BANP: variants seen among roughly 807,000 people sequenced by gnomAD.
BANP encodes the protein protein BANP.
In BANP, 11 loss-of-function variants were observed where a neutral mutation model predicts 68.1. The ratio of observed to expected loss-of-function variants is 0.16; its 90% CI spans 0.10 to 0.27. The LOEUF (loss-of-function observed/expected upper bound fraction) is 0.27, where lower values mean the gene tolerates loss of function less well. Among genes scored for constraint, BANP ranks in the 10% least tolerant of loss-of-function variants. BANP has a pLI of 1.00. For missense variants in BANP, 504 were observed against 722.7 expected (o/e 0.70, Z 3.47); for synonymous variants, 329 against 303.2 (o/e 1.09, Z -0.88).
intron 4 of BANP, among the ~76,000 whole-genome samples, chr16:87,993,748 C>A (rs187901240): frequency 3.1e-4 from 47 of 152,284 alleles, no homozygotes; most frequent in Middle Eastern, 3.4e-3. Context: ...CAGGCCGTGC[C>A]ACCACACCCG....
chr16:88,067,362 C>T (rs1240254538), intron 12 of BANP, among the ~76,000 whole-genome samples: 1 of 152,152 alleles, frequency 6.6e-6, no homozygotes, highest in Non-Finnish European at 1.5e-5. Flanking sequence ...GCATGGTTCC[C>T]ACCTACACCA....
Position 88,061,597 on chromosome 16 carries a change from A to G in BANP, c.1312-3670A>G, listed in dbSNP as rs2086807218. Among the ~76,000 whole-genome samples the G allele has an allele frequency of 2.0e-5, 3 of 152,100 alleles. No homozygotes were observed. In the South Asian group the frequency reaches 6.2e-4, roughly 31 times the overall value. On this transcript the variant is annotated intron_variant, in intron 11 of 13. Transcript: ENST00000682872. Reference sequence around the variant, plus strand: ...CTTTCGGCATTTCTTGTAGGAACGTAGGAGAAAGATTTTAGGCCAGTTGGG... The same window carrying G: ...CTTTCGGCATTTCTTGTAGGAACGTGGGAGAAAGATTTTAGGCCAGTTGGG...
intron 11 of BANP, among the ~76,000 whole-genome samples, chr16:88,043,053 G>A (rs1163369777): frequency 1.3e-5 from 2 of 152,220 alleles, no homozygotes; most frequent in Non-Finnish European, 2.9e-5. Flanking sequence ...TCAGGTCACT[G>A]TGGGAGCTGC....
rs370961037 is a variant in BANP, at chr16:88,069,136, T to C, written c.1378-2933T>C. ...TCTCATCGTCAGGCTGGGTTCTGAA[T>C]GGCGCGCTGTCGCTGCGGGACCTCG... On this transcript the variant is annotated intron_variant, in intron 12 of 13. Transcript: ENST00000682872. Among the ~76,000 whole-genome samples the C allele has an allele frequency of 4.6e-5, 7 of 152,182 alleles. No homozygotes were observed. In the East Asian group the frequency reaches 9.7e-4, roughly 21 times the overall value.
At chr16:88,040,920 C>G (rs1013058953) in intron 11 of BANP, among the ~76,000 whole-genome samples, 1 of 152,228 alleles carries the variant, frequency 6.6e-6, no homozygotes, top group African/African-American at 2.4e-5. Context: ...TCCCTAGTTC[C>G]AACTGTCATT....
chr16:87,977,777 AC>A (rs1426463270), intron 2 of BANP, among the ~76,000 whole-genome samples: 3 of 152,166 alleles, frequency 2.0e-5, no homozygotes, highest in African/African-American at 7.2e-5. Context: ...CGCTTACTCT[AC>A]CTGTCTGAAT....
At chr16:88,032,212 G>GT (rs1360243924) in intron 8 of BANP, among the ~76,000 whole-genome samples, 1 of 150,592 alleles carries the variant, frequency 6.6e-6, no homozygotes, top group Non-Finnish European at 1.5e-5. Flanking sequence ...TCCCTCCCCT[G>GT]TACCCCCGAG....
At chr16:88,060,009 C>G (rs968256729) in intron 11 of BANP, among the ~76,000 whole-genome samples, 8 of 152,260 alleles carry the variant, frequency 5.3e-5, no homozygotes, top group African/African-American at 1.9e-4. Flanking sequence ...GTGAGACTGG[C>G]TTGGCGCAGC....
At chr16:88,038,598 C>T (rs1045465479) in intron 11 of BANP, among the ~76,000 whole-genome samples, 2 of 152,126 alleles carry the variant, frequency 1.3e-5, no homozygotes, top group African/African-American at 4.8e-5. Flanking sequence ...CCGTCAAACT[C>T]ACAAACTTGC....
chr16:88,055,751 G>A (rs1350224517), intron 11 of BANP, among the ~76,000 whole-genome samples: 6 of 152,088 alleles, frequency 3.9e-5, no homozygotes, highest in East Asian at 3.9e-4. Flanking sequence ...GGATCATCTC[G>A]CCTTCCTAGA....
rs1441368811 is a variant in BANP, at chr16:88,076,892, G to C, written c.*231G>C. 1.9e-6 allele frequency: 1 copy of C among 538,342 alleles called. No homozygotes were observed. Among genetic ancestry groups the C allele is most frequent in the African/African-American group, 1.9e-5 (1 of 52,010 alleles). 33.3% of individuals were successfully genotyped at this position (538,342 alleles called of 1,614,324 possible). Reference sequence around the variant, plus strand: ...AGTCCTGCTGTTGGTGTCGGAGCACGAGGGGAGGCACGGTGCGGAGAGCGT... The same window carrying C: ...AGTCCTGCTGTTGGTGTCGGAGCACCAGGGGAGGCACGGTGCGGAGAGCGT... On this transcript the variant is annotated 3_prime_UTR_variant, in exon 14 of 14. Coordinates refer to ENST00000682872, the MANE Select transcript of BANP (RefSeq NM_001386991.1).
At chr16:87,950,143 C>T (rs2056674673), upstream of BANP, among the ~76,000 whole-genome samples, 1 of 152,202 alleles carries the variant, frequency 6.6e-6, no homozygotes, top group Non-Finnish European at 1.5e-5. Context: ...TCCCAAAGTG[C>T]TGGGATTACA....
At chr16:88,052,280 T>G (rs555735025) in intron 11 of BANP, among the ~76,000 whole-genome samples, 4 of 152,180 alleles carry the variant, frequency 2.6e-5, no homozygotes, top group African/African-American at 9.7e-5. Flanking sequence ...TCTAAAGCAT[T>G]GTGGCAAGCT....
chr16:88,046,336 GA>G (rs1470508385), intron 11 of BANP, among the ~76,000 whole-genome samples: 1 of 152,206 alleles, frequency 6.6e-6, no homozygotes, highest in African/African-American at 2.4e-5. Flanking sequence ...GACCAGGACG[GA>G]ACCTTTTAAA....
At chr16:87,969,161 A>G (rs1036028234) in intron 1 of BANP, among the ~76,000 whole-genome samples, 4 of 152,158 alleles carry the variant, frequency 2.6e-5, no homozygotes, top group Non-Finnish European at 5.9e-5. Context: ...GCTGCGTGGT[A>G]TATTCCATTC....
chr16:88,022,010 A>G lies in BANP; in HGVS notation c.895+3343A>G, dbSNP rs184102939. ...GTTATTGAAAGAGGGAGAGAGAGAA[A>G]TTTGCTTTTTGGGGTGTTGGCTTTC... is the stretch of plus-strand genomic sequence containing the variant. On this transcript the variant is annotated intron_variant, in intron 7 of 13. Coordinates refer to ENST00000682872, the MANE Select transcript of BANP (RefSeq NM_001386991.1). 2.1e-3 allele frequency among the ~76,000 whole-genome samples: 314 copies of G among 152,122 alleles called. 2 individuals are homozygous for G. The highest frequency in any genetic ancestry group is 6.9e-3 in the African/African-American group (286 of 41,474).
At chr16:87,995,635 C>T (rs1039283472) in intron 4 of BANP, among the ~76,000 whole-genome samples, 1 of 152,162 alleles carries the variant, frequency 6.6e-6, no homozygotes, top group African/African-American at 2.4e-5. Context: ...CAGAGTGTCA[C>T]GTGGTGAGGC....
chr16:88,037,026 G>C (rs1271256011), intron 10 of BANP, among the ~76,000 whole-genome samples: 2 of 152,310 alleles, frequency 1.3e-5, no homozygotes, highest in South Asian at 4.1e-4. Context: ...ACAGATGTGG[G>C]CTGGGAGGCT....
intron 6 of BANP, among the ~76,000 whole-genome samples, chr16:88,009,016 G>T (rs1313705124): frequency 1.3e-5 from 2 of 152,220 alleles, no homozygotes; most frequent in Non-Finnish European, 2.9e-5. Context: ...TGGCATAGTG[G>T]CTTGGTGAAA....
Sources: gnomAD v4.1 joint callset for allele counts (sites outside exome capture counted in the v4.1 genomes callset) on GRCh38, gnomAD v4.1.1 for gene constraint, MANE v1.5 for transcripts, NCBI Gene and HGNC (gene_info 2026-07-23, HGNC 2026-07-21) for gene names.